The following SYNE2 variants were observed in gnomAD, a reference collection of about 807,000 sequenced individuals.
SYNE2 encodes spectrin repeat containing nuclear envelope protein 2, also known as nesprin-2.
Under a neutral mutation model 856.3 loss-of-function variants are expected in SYNE2, and 431 were observed. The observed-to-expected ratio is 0.50, with a 90% CI of 0.47 to 0.55. The LOEUF (loss-of-function observed/expected upper bound fraction) is 0.55. Among genes scored for constraint, SYNE2 ranks in the 20% least tolerant of loss-of-function variants. The pLI is 0.00. For synonymous variants in SYNE2, 2,923 were observed against 2,872.3 expected (o/e 1.02, Z -0.56); for missense variants, 8,129 against 8,023.2 (o/e 1.01, Z -0.50).
At chr14:63,762,690 C>CT (rs1886535839) in intron 1 of SYNE2, among the ~76,000 whole-genome samples, 1 of 151,516 alleles carries the variant, frequency 6.6e-6, no homozygotes. Context: ...CCCGCCTTAG[C>CT]TCCCAAAGTG....
chr14:64,052,953 T>A lies in SYNE2; in HGVS notation c.9040T>A (p.Phe3014Ile), dbSNP rs1428303849. The A allele has an allele frequency of 6.2e-7, 1 of 1,610,176 alleles. No individual in the cohort carries two copies. The highest frequency in any genetic ancestry group is 8.5e-7 in the Non-Finnish European group (1 of 1,179,162). Residue 3014 changes from phenylalanine (F) to isoleucine (I), a missense_variant, in exon 48 of 116, where the codon TTT (phenylalanine) becomes ATT (isoleucine). Around this residue, in one of 3 missense-constraint regions of SYNE2, gnomAD observed 5,410 missense variants for 5,284.8 expected, o/e 1.02. Transcript: ENST00000555002. ...TGACTATATTGGACTAAACTGGGAT[T>A]TTTCACAACTTGACCAATTACAAAC... The part of the protein sequence containing the change: ...VFDYIGLNWD[F>I]SQLDQLQTQV...
At chr14:64,185,478 T>G (rs2098483984) in intron 96 of SYNE2, among the ~76,000 whole-genome samples, 1 of 151,702 alleles carries the variant, frequency 6.6e-6, no homozygotes, top group Admixed American at 6.6e-5. Context: ...GGTTTCAATT[T>G]GACAGATGCT....
Position 64,026,741 on chromosome 14 carries a change from T to C in SYNE2, c.6404+11T>C. On this transcript the variant is annotated intron_variant, in intron 42 of 115. Transcript: ENST00000555002. ...TAGCACCTACCTAAGGTAAAGGGCA[T>C]GCCTGCACCACTTGCATCATATCCC... The C allele has an allele frequency of 6.2e-7, 1 of 1,600,470 alleles. No homozygotes were observed. Among genetic ancestry groups the C allele is most frequent in the Non-Finnish European group, 8.5e-7 (1 of 1,172,892 alleles).
At chr14:63,781,432 T>C (rs1366996591) in intron 1 of SYNE2, among the ~76,000 whole-genome samples, 2 of 152,026 alleles carry the variant, frequency 1.3e-5, no homozygotes, top group African/African-American at 2.4e-5. Flanking sequence ...ATTTGCATTC[T>C]AGGTTTGCGC....
chr14:64,150,291 C>CG (rs2098229041), intron 84 of SYNE2, among the ~76,000 whole-genome samples: 4 of 35,626 alleles, frequency 1.1e-4, no homozygotes. Context: ...GATTCTCTCT[C>CG]AAAAAAAAAA....
intron 31 of SYNE2, 79 bp from the exon 32 acceptor site, chr14:64,009,887 T>C (rs965704707): frequency 2.3e-6 from 3 of 1,287,706 alleles, no homozygotes; most frequent in Non-Finnish European, 2.2e-6. Flanking sequence ...ATTCATCATT[T>C]ATGTGGGATA....
intron 61 of SYNE2, among the ~76,000 whole-genome samples, chr14:64,093,994 T>A (rs928126213): frequency 6.6e-6 from 1 of 152,218 alleles, no homozygotes; most frequent in Non-Finnish European, 1.5e-5. Flanking sequence ...TTCCATATTC[T>A]AAGCAGTATT....
At chr14:64,110,877 G>A (rs1444811316) in intron 65 of SYNE2, among the ~76,000 whole-genome samples, 1 of 151,926 alleles carries the variant, frequency 6.6e-6, no homozygotes, top group Non-Finnish European at 1.5e-5. Context: ...ATCTCTAGTG[G>A]GTTCCTCAGG....
intron 11 of SYNE2, among the ~76,000 whole-genome samples, chr14:63,970,341 A>G (rs1357426970): frequency 1.3e-5 from 2 of 152,136 alleles, no homozygotes; most frequent in Non-Finnish European, 1.5e-5. Flanking sequence ...GGTGTGTGCC[A>G]TCACACCTTT....
chr14:63,840,870 C>T (rs540253246), intron 1 of SYNE2, among the ~76,000 whole-genome samples: 6 of 151,878 alleles, frequency 4.0e-5, no homozygotes, highest in African/African-American at 9.7e-5. Context: ...AAAATTAGGC[C>T]GGGTGTGGTG....
intron 1 of SYNE2, among the ~76,000 whole-genome samples, chr14:63,777,813 C>T (rs1188414573): frequency 6.6e-6 from 1 of 152,090 alleles, no homozygotes; most frequent in African/African-American, 2.4e-5. Context: ...GGACAACAGG[C>T]ACAGGCCATC....
At chr14:63,975,956 A>G (rs889214903) in intron 11 of SYNE2, among the ~76,000 whole-genome samples, 8 of 152,246 alleles carry the variant, frequency 5.3e-5, no homozygotes, top group Non-Finnish European at 1.0e-4. Flanking sequence ...GAATGAAGAC[A>G]CAAGAGTACA....
intron 1 of SYNE2, among the ~76,000 whole-genome samples, chr14:63,872,491 C>T (rs2140411789): frequency 6.6e-6 from 1 of 151,698 alleles, no homozygotes; most frequent in East Asian, 1.9e-4. Context: ...CATGGTGGCT[C>T]ACACCTATAA....
At chr14:64,212,251 C>T in intron 104 of SYNE2, among the ~76,000 whole-genome samples, 153 bp downstream of exon 104, 1 of 152,176 alleles carries the variant, frequency 6.6e-6, no homozygotes, top group East Asian at 1.9e-4. Flanking sequence ...ACCAGATTAT[C>T]ACGTGCAAGG....
At chr14:63,972,061 T>G (rs890748938) in intron 11 of SYNE2, among the ~76,000 whole-genome samples, 7 of 152,176 alleles carry the variant, frequency 4.6e-5, no homozygotes, top group Non-Finnish European at 1.0e-4. Context: ...TAAATAGCAG[T>G]CCAGTGGCTT....
chr14:63,841,994 G>C (rs534878772), intron 1 of SYNE2, among the ~76,000 whole-genome samples: 2 of 151,180 alleles, frequency 1.3e-5, no homozygotes, highest in East Asian at 3.9e-4. Context: ...CACCATGCCC[G>C]GCTAATTTTT....
At position 64,128,540 on chromosome 14, in the gene SYNE2, C is replaced by A; in HGVS notation, c.14006C>A (p.Ala4669Asp). The stretch of plus-strand genomic sequence containing the variant: ...AATGAAATCAGTGGGCAGAGTGTTG[C>A]TGAACAGCTTCAGGTAATCAAGTCA... Reference protein sequence around the residue: ...SLNEISGQSVAEQLQKADAYT... With the variant: ...SLNEISGQSVDEQLQKADAYT... Residue 4669 changes from alanine (A) to aspartate (D), a missense_variant, in exon 74 of 116, where the codon GCT becomes GAT. By Grantham distance (126) the Ala-to-Asp change is moderately radical (BLOSUM62 -2). Transcript: ENST00000555002. 6.2e-7 allele frequency: 1 copy of A among 1,603,392 alleles called. No homozygotes were observed. Among genetic ancestry groups the A allele is most frequent in the Non-Finnish European group, 8.5e-7 (1 of 1,170,196 alleles).
intron 94 of SYNE2, among the ~76,000 whole-genome samples, chr14:64,171,854 G>C (rs548343658): frequency 6.6e-6 from 1 of 152,226 alleles, no homozygotes; most frequent in South Asian, 2.1e-4. Context: ...CTGTTTGCTT[G>C]TTTTTCTTTT....
chr14:64,148,257 G>A (rs1595841686), intron 84 of SYNE2, among the ~76,000 whole-genome samples: 1 of 152,206 alleles, frequency 6.6e-6, no homozygotes, highest in African/African-American at 2.4e-5. Flanking sequence ...CAAGGTGACA[G>A]TAAACTATGA....
Sources: allele counts gnomAD v4.1 joint callset (sites outside exome capture counted in the v4.1 genomes callset), GRCh38; gene constraint gnomAD v4.1.1; regional missense constraint gnomAD v4.1.1; transcripts MANE v1.5; gene names NCBI Gene and HGNC (gene_info 2026-07-23, HGNC 2026-07-21).